Variants in MALRD1 observed in about 807,000 individuals in gnomAD.
MALRD1 encodes the protein MAM and LDL-receptor class A domain-containing protein 1.
MALRD1 carries 247 observed loss-of-function variants against 242.1 expected under a neutral mutation model. That is an observed-to-expected ratio of 1.02 (90% CI 0.92 to 1.13). The LOEUF (loss-of-function observed/expected upper bound fraction) is 1.13. Ranked by LOEUF, MALRD1 falls within the 50% of genes most tolerant of loss-of-function variation. The probability of loss-of-function intolerance (pLI) is 0.00; values close to 1 mark genes in which losing one functional copy is unlikely to be tolerated. For missense variants in MALRD1, 2,989 were observed against 2,533.1 expected, an observed-to-expected ratio of 1.18 and a Z score of -3.86; for synonymous variants, 995 against 866.6, an observed-to-expected ratio of 1.15 and a Z score of -2.60.
At chr10:19,566,327 T>G (rs1350989942) in intron 32 of MALRD1, among the ~76,000 whole-genome samples, 1 of 147,064 alleles carries the variant, frequency 6.8e-6, no homozygotes, top group Non-Finnish European at 1.5e-5. Flanking sequence ...TTTTTTTGTA[T>G]TTTTAGTAGA....
At chr10:19,201,618 A>T (rs1229296158) in intron 14 of MALRD1, among the ~76,000 whole-genome samples, 1 of 152,204 alleles carries the variant, frequency 6.6e-6, no homozygotes, top group East Asian at 1.9e-4. Context: ...TTGAAATGAC[A>T]TCTAGACACT....
chr10:19,580,611 C>T (rs1310289591), intron 33 of MALRD1, among the ~76,000 whole-genome samples: 1 of 152,172 alleles, frequency 6.6e-6, no homozygotes, highest in Non-Finnish European at 1.5e-5. Flanking sequence ...CGTATACATA[C>T]ATAAGTGCAT....
chr10:19,537,370 C>T (rs1564423558), intron 32 of MALRD1, among the ~76,000 whole-genome samples: 1 of 152,130 alleles, frequency 6.6e-6, no homozygotes. Flanking sequence ...TTATAAACAA[C>T]ATAAATTTAT....
At chr10:19,646,327 G>A (rs1055207714) in intron 36 of MALRD1, among the ~76,000 whole-genome samples, 2 of 152,134 alleles carry the variant, frequency 1.3e-5, no homozygotes, top group Non-Finnish European at 1.5e-5. Context: ...TTTAGGGCTC[G>A]GCCCAGTGGC....
chr10:19,548,836 TCTC>T (rs1298931690), intron 32 of MALRD1, among the ~76,000 whole-genome samples: 6 of 152,140 alleles, frequency 3.9e-5, no homozygotes, highest in Admixed American at 3.3e-4. Flanking sequence ...GAACAGCACT[TCTC>T]CTACTTTAAA....
chr10:19,288,255 C>G (rs961788861), intron 21 of MALRD1, among the ~76,000 whole-genome samples: 1 of 151,996 alleles, frequency 6.6e-6, no homozygotes, highest in Non-Finnish European at 1.5e-5. Flanking sequence ...ATAATCACAT[C>G]ATGGAGAGCA....
intron 1 of MALRD1, among the ~76,000 whole-genome samples, chr10:19,059,753 AG>A (rs1379147059): frequency 5.9e-5 from 9 of 152,278 alleles, no homozygotes; most frequent in Non-Finnish European, 1.2e-4. Context: ...TCTAATAAAC[AG>A]CCTTCCTATT....
chr10:19,555,144 T>C (rs1405965123), intron 32 of MALRD1, among the ~76,000 whole-genome samples: 1 of 152,090 alleles, frequency 6.6e-6, no homozygotes, highest in Admixed American at 6.6e-5. Context: ...TAATGATCAG[T>C]GATGTTGAGC....
chr10:19,103,531 G>T (rs1396333207), intron 4 of MALRD1, among the ~76,000 whole-genome samples: 1 of 132,402 alleles, frequency 7.6e-6, no homozygotes, highest in East Asian at 2.2e-4. Flanking sequence ...CGGCCTGGGT[G>T]AAAAAGCGAG....
chr10:19,693,885 C>T (rs545282704), intron 38 of MALRD1, among the ~76,000 whole-genome samples: 26 of 152,198 alleles, frequency 1.7e-4, no homozygotes, highest in Middle Eastern at 3.4e-3. Flanking sequence ...GAGATATAGA[C>T]GAATGGAACA....
Position 19,306,429 on chromosome 10 carries a change from CGT to C in MALRD1, c.3420-17519_3420-17518del, listed in dbSNP as rs1842209107. Among the ~76,000 whole-genome samples the C allele has an allele frequency of 6.1e-5, 6 of 97,986 alleles. 1 individual carries two copies. In the South Asian group the frequency reaches 1.5e-3, roughly 24 times the overall value. 64.3% of individuals were successfully genotyped at this position (97,986 alleles called of 152,430 possible). A position where few individuals can be genotyped will look rare whatever the true frequency, so the allele number is the denominator to read the frequency against. ...GTACCGTGTATAGTATATATAGTGT[CGT>C]ATATGTACCGTGTATAGTATATATA... On this transcript the variant is annotated intron_variant, in intron 21 of 39. Transcript: ENST00000454679.
intron 32 of MALRD1, among the ~76,000 whole-genome samples, chr10:19,548,468 A>G (rs915252038): frequency 3.9e-5 from 6 of 152,102 alleles, no homozygotes; most frequent in African/African-American, 9.7e-5. Context: ...TAACTTACCC[A>G]TCACCCAAGT....
intron 36 of MALRD1, among the ~76,000 whole-genome samples, chr10:19,660,794 C>T (rs1038455239): frequency 1.3e-5 from 2 of 152,124 alleles, no homozygotes; most frequent in Admixed American, 6.6e-5. Context: ...TAGTTCTCAT[C>T]GTTCCTCAAA....
At chr10:19,316,639 T>A (rs1329971779) in intron 21 of MALRD1, among the ~76,000 whole-genome samples, 2 of 151,788 alleles carry the variant, frequency 1.3e-5, no homozygotes, top group African/African-American at 4.8e-5. Flanking sequence ...CAACGAGGAA[T>A]GATCTGCTGC....
chr10:19,633,064 T>C (rs1839978187), intron 36 of MALRD1, among the ~76,000 whole-genome samples: 1 of 152,082 alleles, frequency 6.6e-6, no homozygotes, highest in African/African-American at 2.4e-5. Context: ...AAACCCTGTC[T>C]CTACTAAAGA....
At chr10:19,219,645 A>C (rs914881133) in intron 18 of MALRD1, among the ~76,000 whole-genome samples, 6 of 152,086 alleles carry the variant, frequency 3.9e-5, no homozygotes, top group African/African-American at 9.7e-5. Context: ...GCTGGTCTCA[A>C]ATTCTTGAGC....
At chr10:19,189,102 A>C (rs1272522792) in intron 14 of MALRD1, among the ~76,000 whole-genome samples, 1 of 152,086 alleles carries the variant, frequency 6.6e-6, no homozygotes, top group Non-Finnish European at 1.5e-5. Flanking sequence ...AAATTACTAT[A>C]ATCAGAAATA....
chr10:19,363,021 A>G (rs952202741), intron 26 of MALRD1, among the ~76,000 whole-genome samples: 1 of 152,088 alleles, frequency 6.6e-6, no homozygotes, highest in Non-Finnish European at 1.5e-5. Flanking sequence ...AGCAGATTTC[A>G]TGGGGGAGAG....
intron 4 of MALRD1, among the ~76,000 whole-genome samples, chr10:19,088,667 T>C (rs1434920944): frequency 1.8e-5 from 2 of 111,590 alleles, no homozygotes; most frequent in Admixed American, 9.5e-5. Context: ...ACATGTGCCA[T>C]GCTGGTGCGC....
Sources: allele counts gnomAD v4.1 joint callset (sites outside exome capture counted in the v4.1 genomes callset), GRCh38; gene constraint gnomAD v4.1.1; transcripts MANE v1.5; gene names NCBI Gene and HGNC (gene_info 2026-07-23, HGNC 2026-07-21).